LAMA2: variants seen among roughly 807,000 people sequenced by gnomAD.
The protein encoded by LAMA2 is laminin subunit alpha 2, also known as laminin subunit alpha-2.
In LAMA2, 269 loss-of-function variants were observed where a neutral mutation model predicts 364.8. The ratio of observed to expected loss-of-function variants is 0.74; its 90% CI spans 0.67 to 0.82. LAMA2 has a LOEUF of 0.82. Ranked by LOEUF, LAMA2 falls within the 40% of genes least tolerant of loss-of-function variation. LAMA2 has a pLI of 0.00. For synonymous variants in LAMA2, 1,379 were observed against 1,370.6 expected (o/e 1.01, Z -0.14); for missense variants, 3,807 against 3,873.2 (o/e 0.98, Z 0.45).
chr6:129,254,956 G>C, intron 14 of LAMA2, among the ~76,000 whole-genome samples: 1 of 152,090 alleles, frequency 6.6e-6, no homozygotes, highest in Non-Finnish European at 1.5e-5. Flanking sequence ...ATCTATAGGG[G>C]ATATTGCATT....
intron 18 of LAMA2, among the ~76,000 whole-genome samples, chr6:129,281,592 C>T (rs1788720853): frequency 6.6e-6 from 1 of 152,140 alleles, no homozygotes; most frequent in Non-Finnish European, 1.5e-5. Flanking sequence ...TGCATTTTCC[C>T]ATCCTTGCCC....
intron 4 of LAMA2, among the ~76,000 whole-genome samples, chr6:129,109,854 C>A (rs537330783): frequency 1.5e-3 from 225 of 152,086 alleles, no homozygotes; most frequent in African/African-American, 5.2e-3. Flanking sequence ...AAAATTCTAT[C>A]TGAATTGAAT....
rs537576396 is a variant in LAMA2 at position 128,971,805 on chromosome 6, A to T, written c.113-78113A>T. ...ACCCCTTAAGGAACAGGATGCCAGG[A>T]TTTTACCCCTCATATCTGTCAGTTA... On this transcript the variant is annotated intron_variant, in intron 1 of 64. Transcript: ENST00000421865. Among the ~76,000 whole-genome samples the T allele has an allele frequency of 1.2e-4, 19 of 152,310 alleles. No homozygotes were observed. In the East Asian group the frequency reaches 3.7e-3, roughly 29 times the overall value.
intron 40 of LAMA2, among the ~76,000 whole-genome samples, chr6:129,424,078 A>T (rs1781208775): frequency 6.6e-6 from 1 of 152,088 alleles, no homozygotes; most frequent in African/African-American, 2.4e-5. Flanking sequence ...AGATCCAGAC[A>T]TGTATGGTCA....
intron 5 of LAMA2, 106 bp from the exon 6 acceptor site, chr6:129,146,853 A>G: frequency 2.5e-6 from 2 of 794,170 alleles, no homozygotes; most frequent in East Asian, 2.5e-5. Flanking sequence ...ATGTCCTTCA[A>G]ACTAAGGATA....
intron 1 of LAMA2, among the ~76,000 whole-genome samples, chr6:128,895,297 A>G (rs1452268707): frequency 2.0e-5 from 3 of 152,008 alleles, no homozygotes; most frequent in Non-Finnish European, 4.4e-5. Flanking sequence ...TAGTGTACTT[A>G]CCCACAGTTG....
intron 1 of LAMA2, among the ~76,000 whole-genome samples, chr6:128,956,765 T>C (rs890113590): frequency 6.6e-6 from 1 of 152,092 alleles, no homozygotes; most frequent in African/African-American, 2.4e-5. Flanking sequence ...TACAAATTCA[T>C]GTTTGGTTCT....
intron 40 of LAMA2, among the ~76,000 whole-genome samples, chr6:129,413,177 A>G (rs925338026): frequency 2.0e-5 from 3 of 152,138 alleles, no homozygotes; most frequent in African/African-American, 7.2e-5. Context: ...AATCAAAAAG[A>G]CTTTAATTTT....
At chr6:129,334,563 T>TA (rs1175525141) in intron 29 of LAMA2, among the ~76,000 whole-genome samples, 1 of 152,014 alleles carries the variant, frequency 6.6e-6, no homozygotes, top group African/African-American at 2.4e-5. Flanking sequence ...AAAAAATAAG[T>TA]AAAAAAAATT....
At chr6:129,163,407 G>C (rs1779561248) in intron 8 of LAMA2, among the ~76,000 whole-genome samples, 3 of 152,140 alleles carry the variant, frequency 2.0e-5, no homozygotes, top group Admixed American at 2.0e-4. Context: ...GCCGAAGCAG[G>C]CAAGTCGCTT....
At chr6:129,106,871 A>AT (rs1554219027) in intron 4 of LAMA2, among the ~76,000 whole-genome samples, 37 of 115,234 alleles carry the variant, frequency 3.2e-4, no homozygotes, top group Middle Eastern at 5.1e-3. Context: ...CAAAAAAAAA[A>AT]AAAAATATAT....
At chr6:129,328,940 T>C (rs994574516) in intron 29 of LAMA2, among the ~76,000 whole-genome samples, 1 of 152,182 alleles carries the variant, frequency 6.6e-6, no homozygotes, top group African/African-American at 2.4e-5. Context: ...ATCTTTACGA[T>C]CTTTGTTTGG....
At chr6:129,324,165 A>C (rs569192718) in intron 28 of LAMA2, among the ~76,000 whole-genome samples, 6 of 152,316 alleles carry the variant, frequency 3.9e-5, no homozygotes, top group African/African-American at 1.4e-4. Flanking sequence ...TACAAATATA[A>C]CCTAAAACAA....
At chr6:129,348,546 T>C (rs1053365760) in intron 30 of LAMA2, among the ~76,000 whole-genome samples, 2 of 151,896 alleles carry the variant, frequency 1.3e-5, no homozygotes. Flanking sequence ...TCAAGTCTTG[T>C]GGAGTCTTTT....
intron 19 of LAMA2, among the ~76,000 whole-genome samples, chr6:129,289,837 A>G (rs111457074): frequency 7.5e-4 from 114 of 152,266 alleles, no homozygotes; most frequent in African/African-American, 2.5e-3. Flanking sequence ...TGTGATTATA[A>G]TTTTTAATGC....
At chr6:129,260,917 A>G in intron 15 of LAMA2, 95 bp downstream of exon 15, 2 of 783,316 alleles carry the variant, frequency 2.6e-6, no homozygotes, top group East Asian at 2.5e-5. Context: ...TTTTCTATCA[A>G]TAATTACACA....
chr6:129,482,101 T>G (rs1257183514), intron 55 of LAMA2, among the ~76,000 whole-genome samples: 1 of 151,744 alleles, frequency 6.6e-6, no homozygotes, highest in Non-Finnish European at 1.5e-5. Context: ...AGCCCAGGAG[T>G]TTGAAACTAG....
At chr6:128,998,611 C>T (rs538696723) in intron 1 of LAMA2, among the ~76,000 whole-genome samples, 2 of 12,420 alleles carry the variant, frequency 1.6e-4, no homozygotes, top group East Asian at 9.3e-3. Flanking sequence ...AGGGAGTTCC[C>T]TTTCCGAGTC....
At chr6:129,493,162 T>C (rs1299643205) in intron 58 of LAMA2, among the ~76,000 whole-genome samples, 1 of 151,930 alleles carries the variant, frequency 6.6e-6, no homozygotes, top group Admixed American at 6.6e-5. Context: ...CTCCAAAAAA[T>C]AAAAATAAAT....
Sources: gnomAD v4.1 joint callset for allele counts (sites outside exome capture counted in the v4.1 genomes callset) on GRCh38, gnomAD v4.1.1 for gene constraint, MANE v1.5 for transcripts, NCBI Gene and HGNC (gene_info 2026-07-23, HGNC 2026-07-21) for gene names.